Variants in ATP9A observed in about 807,000 individuals in gnomAD.
The protein encoded by ATP9A is probable phospholipid-transporting ATPase IIA.
ATP9A carries 52 observed loss-of-function variants against 144.1 expected under a neutral mutation model. The observed-to-expected ratio is 0.36, with a 90% CI of 0.29 to 0.45. ATP9A has a LOEUF of 0.45. Ranked by LOEUF, ATP9A falls within the 20% of genes least tolerant of loss-of-function variation. The probability of loss-of-function intolerance (pLI) is 1.00; values close to 1 mark genes in which losing one functional copy is unlikely to be tolerated. For missense variants in ATP9A, 947 were observed against 1,392.7 expected (o/e 0.68, Z 5.09); for synonymous variants, 582 against 557.4 (o/e 1.04, Z -0.62).
At chr20:51,620,093 A>G (rs560858285) in intron 19 of ATP9A, among the ~76,000 whole-genome samples, 54 of 152,308 alleles carry the variant, frequency 3.5e-4, no homozygotes, top group Non-Finnish European at 7.1e-4. Context: ...CCAGGCACCT[A>G]GCAGGGACTG....
chr20:51,716,159 T>A (rs978672456), intron 3 of ATP9A, among the ~76,000 whole-genome samples: 1 of 152,112 alleles, frequency 6.6e-6, no homozygotes, highest in Non-Finnish European at 1.5e-5. Context: ...AAACTGAAGA[T>A]CTGTGTATTT....
chr20:51,696,547 G>C lies in ATP9A; in HGVS notation c.496-403C>G, dbSNP rs141578571. On this transcript the variant is annotated intron_variant, in intron 5 of 27. Transcript: ENST00000338821. ...CTACCAACTTACCAGCTTGATGTTT[G>C]GCTTTTAGTGGATTTTAATAAGGAA... is the stretch of plus-strand genomic sequence containing the variant. 1.5e-3 allele frequency among the ~76,000 whole-genome samples: 227 copies of C among 152,162 alleles called. 1 individual carries two copies. Among genetic ancestry groups the C allele is most frequent in the African/African-American group, 5.3e-3 (218 of 41,510 alleles).
At position 51,671,149 on chromosome 20, in the gene ATP9A, C is replaced by T; in HGVS notation, c.1146G>A (p.Leu382=). 6.2e-7 allele frequency: 1 copy of T among 1,614,078 alleles called. No individual in the cohort carries two copies. Among genetic ancestry groups the T allele is most frequent in the Non-Finnish European group, 8.5e-7 (1 of 1,179,968 alleles). The change falls in exon 12 of 28, where the codon CTG becomes CTA. Residue 382 remains leucine (L), a synonymous_variant. Transcript: ENST00000338821. The part of the protein sequence containing the change: ...VVRSSTIPEQ[L]GRISYLLTDK... ...CTGTGAGTAAGTACGAAATCCTGCCCAGCTGCTCAGGAATCGTGCTGGAGC... is the reference window on the plus strand; with the variant it reads ...CTGTGAGTAAGTACGAAATCCTGCCTAGCTGCTCAGGAATCGTGCTGGAGC...
chr20:51,608,352 C>T (rs1174314764), intron 25 of ATP9A, among the ~76,000 whole-genome samples, 166 bp downstream of exon 25: 3 of 152,014 alleles, frequency 2.0e-5, no homozygotes, highest in African/African-American at 7.3e-5. Context: ...ATGTAAACTC[C>T]CACACCTTCC....
chr20:51,727,095 CA>C (rs2077717698), intron 2 of ATP9A, among the ~76,000 whole-genome samples: 1 of 149,862 alleles, frequency 6.7e-6, no homozygotes, highest in South Asian at 2.1e-4. Flanking sequence ...ATATCAAGAC[CA>C]TCCTGCCCAA....
chr20:51,691,613 G>A (rs2077548856), intron 7 of ATP9A, among the ~76,000 whole-genome samples: 1 of 152,240 alleles, frequency 6.6e-6, no homozygotes. Context: ...CAAGTGTGAA[G>A]ATGTGGAGAA....
intron 13 of ATP9A, 33 bp from the exon 14 acceptor site, chr20:51,657,183 C>T: frequency 6.4e-7 from 1 of 1,566,342 alleles, no homozygotes; most frequent in South Asian, 1.1e-5. Context: ...AGGAAGATGA[C>T]CAGAGGCAGG....
chr20:51,631,675 C>T (rs769047798), intron 15 of ATP9A, among the ~76,000 whole-genome samples: 2 of 152,148 alleles, frequency 1.3e-5, no homozygotes, highest in Non-Finnish European at 2.9e-5. Context: ...CATCTTTTCC[C>T]ACCGTGGTCT....
Position 51,639,391 on chromosome 20 carries a change from C to T in ATP9A, c.1620G>A (p.Gln540=). 3 of 1,614,086 alleles carry T rather than the reference C, an allele frequency of 1.9e-6. No homozygotes were observed. Among genetic ancestry groups the T allele is most frequent in the Non-Finnish European group, 2.5e-6 (3 of 1,179,974 alleles). ...TGCTTTCATAGGTGAAAGGGAAGAT[C>T]TGTAGGATGGTGAAGTTCAGGATCT... ...GDQILNFTIL[Q]IFPFTYESKR... Residue 540 remains glutamine (Q), a synonymous_variant, in exon 15 of 28, where the codon CAG becomes CAA. Transcript: ENST00000338821.
intron 1 of ATP9A, among the ~76,000 whole-genome samples, chr20:51,743,504 A>G (rs2077794133): frequency 7.1e-6 from 1 of 141,564 alleles, no homozygotes; most frequent in Admixed American, 7.7e-5. Flanking sequence ...GATTCAAGCG[A>G]TTCTACTCCC....
chr20:51,647,791 A>G (rs2077347902), intron 14 of ATP9A, among the ~76,000 whole-genome samples: 1 of 152,204 alleles, frequency 6.6e-6, no homozygotes, highest in African/African-American at 2.4e-5. Flanking sequence ...AGCCAACACT[A>G]ATATCACATG....
At chr20:51,604,329 G>A (rs2122704130) in intron 27 of ATP9A, among the ~76,000 whole-genome samples, 1 of 152,308 alleles carries the variant, frequency 6.6e-6, no homozygotes, top group East Asian at 1.9e-4. Context: ...TTGGTTTGCT[G>A]TGAGGAGCAG....
chr20:51,619,179 G>T, intron 19 of ATP9A, 136 bp from the exon 20 acceptor site: 1 of 677,384 alleles, frequency 1.5e-6, no homozygotes, highest in Non-Finnish European at 2.6e-6. Context: ...GCCACCAGAG[G>T]CAGCACCAAA....
intron 9 of ATP9A, among the ~76,000 whole-genome samples, chr20:51,676,917 C>CTTTTT (rs34062000): frequency 1.2e-4 from 8 of 68,426 alleles, no homozygotes; most frequent in South Asian, 6.2e-4. Flanking sequence ...CGCCCAGTCT[C>CTTTTT]TTTTTTTTTT....
chr20:51,643,309 T>A (rs1003075084), intron 14 of ATP9A, among the ~76,000 whole-genome samples: 3 of 152,148 alleles, frequency 2.0e-5, no homozygotes, highest in Admixed American at 2.0e-4. Context: ...TTAGTTTTAG[T>A]TTTTGGCTAC....
chr20:51,764,265 T>C (rs1026947541), intron 1 of ATP9A, among the ~76,000 whole-genome samples: 2 of 152,222 alleles, frequency 1.3e-5, no homozygotes, highest in Non-Finnish European at 2.9e-5. Flanking sequence ...GACTCCTGCG[T>C]CCTGGCTCCT....
intron 1 of ATP9A, among the ~76,000 whole-genome samples, chr20:51,754,484 C>G (rs2077847434): frequency 6.6e-6 from 1 of 151,490 alleles, no homozygotes; most frequent in South Asian, 2.1e-4. Context: ...GCATGGGCAA[C>G]AAGAACAAAA....
chr20:51,766,209 A>C (rs977896446), intron 1 of ATP9A, among the ~76,000 whole-genome samples: 6 of 152,192 alleles, frequency 3.9e-5, no homozygotes, highest in Non-Finnish European at 7.3e-5. Flanking sequence ...AGCTTATTAA[A>C]ATATATAGAT....
intron 2 of ATP9A, among the ~76,000 whole-genome samples, chr20:51,728,578 A>G (rs1158548280): frequency 2.0e-5 from 3 of 151,000 alleles, no homozygotes; most frequent in Non-Finnish European, 2.9e-5. Flanking sequence ...CAGTGAGCCA[A>G]GATGGCTCAC....
Sources: allele counts gnomAD v4.1 joint callset (sites outside exome capture counted in the v4.1 genomes callset), GRCh38; gene constraint gnomAD v4.1.1; transcripts MANE v1.5; gene names NCBI Gene and HGNC (gene_info 2026-07-23, HGNC 2026-07-21).